The following MCC variants were observed in gnomAD, a reference collection of about 807,000 sequenced individuals.
The protein encoded by MCC is MCC regulator of Wnt signaling pathway, also known as colorectal mutant cancer protein.
MCC carries 90 observed loss-of-function variants against 116.2 expected under a neutral mutation model. The ratio of observed to expected loss-of-function variants is 0.77; its 90% CI spans 0.65 to 0.92. MCC has a LOEUF of 0.92. Among genes scored for constraint, MCC ranks in the 40% least tolerant of loss-of-function variants. The pLI, the probability that MCC is intolerant of heterozygous loss-of-function variation, is 0.00. For synonymous variants in MCC, 578 were observed against 510.5 expected, an observed-to-expected ratio of 1.13 and a Z score of -1.78; for missense variants, 1,516 against 1,312.2, an observed-to-expected ratio of 1.16 and a Z score of -2.40.
chr5:113,064,211 A>T (rs1346619076), intron 13 of MCC, 44 bp from the exon 14 acceptor site: 3 of 1,544,128 alleles, frequency 1.9e-6, no homozygotes, highest in South Asian at 1.2e-5. Context: ...ATAGGCCTGG[A>T]CAAGGCACGC....
intron 3 of MCC, among the ~76,000 whole-genome samples, chr5:113,262,884 G>C (rs2150349251): frequency 6.6e-6 from 1 of 152,196 alleles, no homozygotes; most frequent in Admixed American, 6.5e-5. Flanking sequence ...GAGAACAGGT[G>C]CTCTAACCAC....
chr5:113,373,233 G>C (rs1034044288), intron 2 of MCC, among the ~76,000 whole-genome samples: 19 of 151,970 alleles, frequency 1.3e-4, no homozygotes, highest in African/African-American at 3.6e-4. Context: ...CAACTTGGGT[G>C]TCTGATTGAG....
At position 113,148,416 on chromosome 5, in the gene MCC, A is replaced by G. The variant is rs74563226; in HGVS notation, c.741+2893T>C. Among the ~76,000 whole-genome samples, 1,111 of 152,354 alleles carry G rather than the reference A, an allele frequency of 7.3e-3. 20 individuals are homozygous for G. Among genetic ancestry groups the G allele is most frequent in the African/African-American group, 0.025 (1,052 of 41,582 alleles). ...ATAAATAAGACACCTTCTTTTATTC[A>G]ACCAGTTCCAGTGTCACCATTAATA... is the stretch of plus-strand genomic sequence containing the variant. On this transcript the variant is annotated intron_variant, in intron 4 of 18. Transcript: ENST00000408903.
intron 14 of MCC, among the ~76,000 whole-genome samples, chr5:113,057,280 G>T (rs1325515612): frequency 6.6e-6 from 1 of 152,046 alleles, no homozygotes; most frequent in Non-Finnish European, 1.5e-5. Context: ...TAACAGGGAG[G>T]GATGTGGTCT....
chr5:113,094,712 TCC>T, intron 8 of MCC, among the ~76,000 whole-genome samples: 1 of 152,134 alleles, frequency 6.6e-6, no homozygotes, highest in Non-Finnish European at 1.5e-5. Context: ...GAGCCACCGC[TCC>T]CGGCCAATGT....
At chr5:113,310,692 A>G (rs530149648) in intron 3 of MCC, among the ~76,000 whole-genome samples, 115 of 152,352 alleles carry the variant, frequency 7.5e-4, no homozygotes, top group African/African-American at 2.6e-3. Flanking sequence ...AATGTGTCAC[A>G]TGGGAAATAA....
At chr5:113,458,771 G>T (rs1389875182) in intron 1 of MCC, among the ~76,000 whole-genome samples, 1 of 152,184 alleles carries the variant, frequency 6.6e-6, no homozygotes, top group Non-Finnish European at 1.5e-5. Flanking sequence ...CACAGAAAGA[G>T]TGCTTAAGGC....
chr5:113,480,262 G>A (rs976976550), intron 1 of MCC, among the ~76,000 whole-genome samples: 1 of 152,284 alleles, frequency 6.6e-6, no homozygotes, highest in East Asian at 1.9e-4. Flanking sequence ...TGAGCAAAGC[G>A]CCTGCAAGCA....
chr5:113,054,042 C>A, intron 14 of MCC, 83 bp from the exon 15 acceptor site: 1 of 990,066 alleles, frequency 1.0e-6, no homozygotes, highest in Non-Finnish European at 1.6e-6. Flanking sequence ...CACTCTTCTC[C>A]ACATTCCCTC....
intron 1 of MCC, among the ~76,000 whole-genome samples, chr5:113,475,496 G>C (rs557181511): frequency 1.6e-4 from 25 of 152,138 alleles, no homozygotes; most frequent in Admixed American, 1.2e-3. Flanking sequence ...ATAATCAATG[G>C]CATAAATTTA....
intron 3 of MCC, among the ~76,000 whole-genome samples, chr5:113,308,636 A>G (rs1330406083): frequency 1.3e-5 from 2 of 152,122 alleles, no homozygotes; most frequent in Non-Finnish European, 2.9e-5. Flanking sequence ...CAGTCTGGGC[A>G]ACATAGGGAG....
chr5:113,120,583 CACT>C (rs936993490), intron 6 of MCC, among the ~76,000 whole-genome samples: 1 of 152,166 alleles, frequency 6.6e-6, no homozygotes, highest in African/African-American at 2.4e-5. Flanking sequence ...CATTCATTCC[CACT>C]ACTATCTTTA....
chr5:113,127,366 C>CATAA (rs1758119698), intron 5 of MCC, among the ~76,000 whole-genome samples: 3 of 152,164 alleles, frequency 2.0e-5, no homozygotes, highest in Non-Finnish European at 2.9e-5. Flanking sequence ...GGTATATACC[C>CATAA]AGTAATGTGA....
intron 1 of MCC, chr5:113,448,264 TTC>T (rs1177378206): frequency 6.6e-6 from 1 of 152,218 alleles, no homozygotes. Flanking sequence ...TGCCTCTCCA[TTC>T]TTCTCCTTTC....
At chr5:113,202,013 C>T (rs550676297) in intron 3 of MCC, among the ~76,000 whole-genome samples, 1 of 152,264 alleles carries the variant, frequency 6.6e-6, no homozygotes, top group Non-Finnish European at 1.5e-5. Context: ...TTTTTACTGG[C>T]TGCCAGCACA....
At chr5:113,444,436 G>A (rs1771147301) in intron 1 of MCC, among the ~76,000 whole-genome samples, 1 of 152,164 alleles carries the variant, frequency 6.6e-6, no homozygotes. Context: ...CAAGTTACTG[G>A]ATTGAGTTTC....
chr5:113,196,447 G>A lies in MCC; in HGVS notation c.628-45025C>T, dbSNP rs144367803. On this transcript the variant is annotated intron_variant, in intron 3 of 18. Coordinates refer to ENST00000408903, the MANE Select transcript of MCC (RefSeq NM_001085377.2). ...CAACTCCAGCATTTGTTGCTAGGTGGGAATATGGGCCCCATGTTGCTAGAT... is the reference window on the plus strand; with the variant it reads ...CAACTCCAGCATTTGTTGCTAGGTGAGAATATGGGCCCCATGTTGCTAGAT... Among the ~76,000 whole-genome samples, 7 of 152,218 alleles carry A rather than the reference G, an allele frequency of 4.6e-5. No homozygotes were observed. The East Asian group carries it at 1.4e-3, about 29-fold the overall frequency.
chr5:113,036,723 C>T (rs1364132277), intron 17 of MCC, among the ~76,000 whole-genome samples: 1 of 152,028 alleles, frequency 6.6e-6, no homozygotes, highest in East Asian at 1.9e-4. Flanking sequence ...ACCACTCTGC[C>T]TTTATGAGGT....
chr5:113,230,984 C>G (rs1005447472), intron 3 of MCC, among the ~76,000 whole-genome samples: 4 of 152,116 alleles, frequency 2.6e-5, no homozygotes, highest in African/African-American at 9.7e-5. Flanking sequence ...ACTCCCCCAG[C>G]TACAGGAATT....
Sources: gnomAD v4.1 joint callset for allele counts (sites outside exome capture counted in the v4.1 genomes callset) on GRCh38, gnomAD v4.1.1 for gene constraint, MANE v1.5 for transcripts, NCBI Gene and HGNC (gene_info 2026-07-23, HGNC 2026-07-21) for gene names.